Variants in DNAJC3 observed in about 807,000 individuals in gnomAD.
DNAJC3 encodes dnaJ homolog subfamily C member 3.
In DNAJC3, 38 loss-of-function variants were observed where a neutral mutation model predicts 68.6. The observed-to-expected ratio is 0.55, with a 90% CI of 0.43 to 0.73. DNAJC3 has a LOEUF of 0.73. DNAJC3 is among the 30% of genes least tolerant of loss of function. The pLI is 0.00. For missense variants in DNAJC3, 526 were observed against 591.9 expected, an observed-to-expected ratio of 0.89 and a Z score of 1.16; for synonymous variants, 203 against 204.0, an observed-to-expected ratio of 1.00 and a Z score of 0.04.
chr13:95,731,681 T>C (rs1881716489), intron 4 of DNAJC3, among the ~76,000 whole-genome samples: 1 of 152,132 alleles, frequency 6.6e-6, no homozygotes, highest in East Asian at 1.9e-4. Flanking sequence ...TCTGGTTTTG[T>C]TTTTGTTTGA....
intron 2 of DNAJC3, among the ~76,000 whole-genome samples, chr13:95,715,019 A>T (rs1277442531): frequency 6.6e-6 from 1 of 152,212 alleles, no homozygotes; most frequent in Non-Finnish European, 1.5e-5. Context: ...GGTGTAAATC[A>T]GTGATGCTGA....
chr13:95,781,320 A>C (rs1376989191), intron 9 of DNAJC3, among the ~76,000 whole-genome samples: 1 of 152,078 alleles, frequency 6.6e-6, no homozygotes, highest in Non-Finnish European at 1.5e-5. Flanking sequence ...CTCACGGACT[A>C]TCCTGACAGT....
intron 1 of DNAJC3, among the ~76,000 whole-genome samples, chr13:95,702,919 T>C (rs1275448046): frequency 1.3e-5 from 2 of 152,196 alleles, no homozygotes; most frequent in African/African-American, 4.8e-5. Context: ...TCCATCACCA[T>C]CCCACTCAAT....
rs1379765929 is a variant in DNAJC3 at position 95,794,335 on chromosome 13, A to G, written c.*3305A>G. The G allele has an allele frequency of 2.0e-5, 3 of 152,186 alleles. No individual in the cohort carries two copies. 9.4% of individuals were successfully genotyped at this position (152,186 alleles called of 1,614,324 possible). On this transcript the variant is annotated 3_prime_UTR_variant, in exon 12 of 12. Coordinates refer to ENST00000602402, the MANE Select transcript of DNAJC3 (RefSeq NM_006260.5). ...TTGTCTTTGACATTTACCATGAAAAAACTACATAAAATGGCTCCCTGGTGA... is the reference window on the plus strand; with the variant it reads ...TTGTCTTTGACATTTACCATGAAAAGACTACATAAAATGGCTCCCTGGTGA...
In DNAJC3 at chr13:95,757,677, G is replaced by A. The variant is rs747305506; in HGVS notation, c.427G>A (p.Glu143Lys). The part of the protein sequence containing the change: ...KSNPSENEEK[E>K]AQSQLIKSDE... ...TAATCCAAGTGAAAATGAAGAAAAG[G>A]AAGCACAGTCTCAACTTATAAAATC... Residue 143 changes from glutamate (E) to lysine (K), a missense_variant, in exon 5 of 12, where the codon GAA becomes AAA. Physicochemically the swap from Glu to Lys is moderately conservative, Grantham distance 56 (BLOSUM62 1). Transcript: ENST00000602402. 3 of 1,574,322 alleles carry A rather than the reference G, an allele frequency of 1.9e-6. No individual in the cohort carries two copies. In the Admixed American group the frequency reaches 5.1e-5, roughly 27 times the overall value.
At chr13:95,739,438 C>T (rs1394468977) in intron 4 of DNAJC3, among the ~76,000 whole-genome samples, 1 of 151,458 alleles carries the variant, frequency 6.6e-6, no homozygotes, top group African/African-American at 2.4e-5. Context: ...TGGTTCCATT[C>T]TCCCCATCAC....
intron 1 of DNAJC3, among the ~76,000 whole-genome samples, chr13:95,704,851 G>GTTTTTTTTTTTTTTTGTTTTTTTTTTT (rs1880681925): frequency 1.0e-5 from 1 of 97,860 alleles, no homozygotes; most frequent in Non-Finnish European, 1.9e-5. Context: ...GTGTGTGTGT[G>GTTTTTTTTTTTTTTTGTTTTTTTTTTT]TTTTTTTTTT....
At chr13:95,778,305 A>G (rs1883343172) in intron 9 of DNAJC3, among the ~76,000 whole-genome samples, 1 of 152,234 alleles carries the variant, frequency 6.6e-6, no homozygotes, top group Non-Finnish European at 1.5e-5. Context: ...TGGTACTGGT[A>G]TAAAGGCTGA....
chr13:95,711,743 A>G (rs1218960644), intron 2 of DNAJC3, among the ~76,000 whole-genome samples: 2 of 152,212 alleles, frequency 1.3e-5, no homozygotes, highest in East Asian at 1.9e-4. Context: ...AAAAGGAGAA[A>G]TAACAAATTT....
chr13:95,714,169 T>TC (rs1293466385), intron 2 of DNAJC3, among the ~76,000 whole-genome samples: 1 of 152,238 alleles, frequency 6.6e-6, no homozygotes, highest in Non-Finnish European at 1.5e-5. Flanking sequence ...AATGCACACT[T>TC]TAAAAAGTTA....
intron 2 of DNAJC3, among the ~76,000 whole-genome samples, chr13:95,722,494 T>C (rs1455414741): frequency 6.6e-6 from 1 of 151,870 alleles, no homozygotes; most frequent in Non-Finnish European, 1.5e-5. Flanking sequence ...GAGTTGAGGC[T>C]GGGTGCAGTG....
Position 95,794,965 on chromosome 13 carries a change from A to C in DNAJC3, c.*3935A>C, listed in dbSNP as rs1883917206. 6.6e-6 allele frequency: 1 copy of C among 152,246 alleles called. No individual in the cohort carries two copies. The highest frequency in any genetic ancestry group is 2.4e-5 in the African/African-American group (1 of 41,462). The allele number at this position is 152,246 out of a possible 1,614,324, so 9.4% of individuals were successfully genotyped here. A position where few individuals can be genotyped will look rare whatever the true frequency, so the allele number is the denominator to read the frequency against. On this transcript the variant is annotated 3_prime_UTR_variant, in exon 12 of 12. Transcript: ENST00000602402. Reference sequence around the variant, plus strand: ...TGCCCGTGTATTTTCACATTTAATAAAAATATTTATGGTCATATCAGTATT... The same window carrying C: ...TGCCCGTGTATTTTCACATTTAATACAAATATTTATGGTCATATCAGTATT...
At chr13:95,698,851 A>T (rs1178314469) in intron 1 of DNAJC3, among the ~76,000 whole-genome samples, 4 of 152,204 alleles carry the variant, frequency 2.6e-5, no homozygotes, top group Non-Finnish European at 5.9e-5. Context: ...TAAGAGGTAG[A>T]GGAATGATGG....
intron 4 of DNAJC3, among the ~76,000 whole-genome samples, chr13:95,726,376 G>A (rs998998752): frequency 6.6e-6 from 1 of 152,194 alleles, no homozygotes; most frequent in African/African-American, 2.4e-5. Flanking sequence ...TCCAACTGGT[G>A]TGAGTTGGTA....
chr13:95,787,345 A>G (rs988577704), intron 11 of DNAJC3, among the ~76,000 whole-genome samples, 190 bp downstream of exon 11: 2 of 152,214 alleles, frequency 1.3e-5, no homozygotes, highest in Admixed American at 6.5e-5. Context: ...TGCAGGGTAC[A>G]GTGGAAAGAC....
chr13:95,713,901 C>T (rs1593972205), intron 2 of DNAJC3, among the ~76,000 whole-genome samples: 2 of 152,298 alleles, frequency 1.3e-5, no homozygotes, highest in East Asian at 3.9e-4. Flanking sequence ...AAAGAGGACA[C>T]TTACAAACTT....
intron 4 of DNAJC3, among the ~76,000 whole-genome samples, chr13:95,750,090 C>G (rs1307896721): frequency 2.0e-5 from 3 of 151,790 alleles, no homozygotes; most frequent in African/African-American, 7.3e-5. Flanking sequence ...ATCAGGCAGG[C>G]AGCTGCCTAC....
At chr13:95,749,059 T>C (rs1566497869) in intron 4 of DNAJC3, among the ~76,000 whole-genome samples, 1 of 152,228 alleles carries the variant, frequency 6.6e-6, no homozygotes, top group Non-Finnish European at 1.5e-5. Flanking sequence ...GACAAATTAT[T>C]TTATGTACTA....
chr13:95,762,470 C>T (rs561540021), intron 7 of DNAJC3, among the ~76,000 whole-genome samples: 1 of 152,250 alleles, frequency 6.6e-6, no homozygotes, highest in African/African-American at 2.4e-5. Flanking sequence ...TCCTGAGTCA[C>T]TAGCTAGTCT....
Sources: allele counts gnomAD v4.1 joint callset (sites outside exome capture counted in the v4.1 genomes callset), GRCh38; gene constraint gnomAD v4.1.1; transcripts MANE v1.5; gene names NCBI Gene and HGNC (gene_info 2026-07-23, HGNC 2026-07-21).